Variants in GRID2 observed in about 807,000 individuals in gnomAD.
GRID2 encodes the protein glutamate ionotropic receptor delta type subunit 2.
GRID2 carries 33 observed loss-of-function variants against 114.8 expected under a neutral mutation model. The ratio of observed to expected loss-of-function variants is 0.29; its 90% CI spans 0.22 to 0.38. The LOEUF (loss-of-function observed/expected upper bound fraction) is 0.38. GRID2 is among the 10% of genes least tolerant of loss of function. The pLI is 1.00. For synonymous variants in GRID2, 505 were observed against 449.9 expected, an observed-to-expected ratio of 1.12 and a Z score of -1.55; for missense variants, 1,184 against 1,257.7, an observed-to-expected ratio of 0.94 and a Z score of 0.89.
chr4:93,382,945 C>G (rs1376532681), intron 8 of GRID2, among the ~76,000 whole-genome samples: 4 of 151,706 alleles, frequency 2.6e-5, no homozygotes, highest in Non-Finnish European at 5.9e-5. Flanking sequence ...ACTAGACTGT[C>G]TCTGTGCAAA....
At chr4:93,607,709 G>T (rs1740399209) in intron 13 of GRID2, among the ~76,000 whole-genome samples, 1 of 152,020 alleles carries the variant, frequency 6.6e-6, no homozygotes, top group African/African-American at 2.4e-5. Flanking sequence ...ATTAAGTATT[G>T]CCAGACATTT....
intron 1 of GRID2, among the ~76,000 whole-genome samples, chr4:92,354,154 T>C (rs1728205608): frequency 6.6e-6 from 1 of 151,956 alleles, no homozygotes; most frequent in Admixed American, 6.6e-5. Context: ...GGGACCAGCG[T>C]TCCTCACTGG....
In GRID2 at chr4:93,389,801, T is replaced by C. The variant is rs571490280; in HGVS notation, c.1246-5806T>C. Among the ~76,000 whole-genome samples the C allele has an allele frequency of 2.0e-5, 3 of 152,144 alleles. No individual in the cohort carries two copies. The South Asian group carries it at 6.2e-4, about 32-fold the overall frequency. On this transcript the variant is annotated intron_variant, in intron 8 of 15. Coordinates refer to ENST00000282020, the MANE Select transcript of GRID2 (RefSeq NM_001510.4). ...GCAAGTTTTTTTTTTTCTTTTTTTT[T>C]TCTTTTTTTGAGACAGTCTTGCTCT... is the stretch of plus-strand genomic sequence containing the variant.
intron 4 of GRID2, among the ~76,000 whole-genome samples, chr4:93,183,416 T>C (rs906620243): frequency 6.6e-6 from 1 of 152,220 alleles, no homozygotes; most frequent in South Asian, 2.1e-4. Flanking sequence ...AATGATAGCA[T>C]TGACCCTCAA....
At chr4:92,574,131 C>G (rs542654942) in intron 1 of GRID2, among the ~76,000 whole-genome samples, 1 of 152,132 alleles carries the variant, frequency 6.6e-6, no homozygotes, top group East Asian at 1.9e-4. Flanking sequence ...GCAACCCCTG[C>G]TATTTTCCTG....
chr4:92,611,163 TGTG>T lies in GRID2; in HGVS notation c.244+20878_244+20880del, dbSNP rs1331831517. 7.3e-5 allele frequency among the ~76,000 whole-genome samples: 11 copies of T among 150,676 alleles called. No individual in the cohort carries two copies. In the Admixed American group the frequency reaches 7.4e-4, roughly 10 times the overall value. ...GTGTGTGCATGTGTGTGTGTGTGTG[TGTG>T]TTTTAGCCTGCTTAGGCTGCATAAT... On this transcript the variant is annotated intron_variant, in intron 2 of 15. Transcript: ENST00000282020.
chr4:93,105,055 C>T (rs1044124646), intron 3 of GRID2, among the ~76,000 whole-genome samples: 86 of 152,056 alleles, frequency 5.7e-4, no homozygotes, highest in African/African-American at 2.0e-3. Flanking sequence ...TCTCTGATGG[C>T]CAGTGATGAT....
intron 2 of GRID2, among the ~76,000 whole-genome samples, chr4:93,011,638 C>G (rs1482816242): frequency 6.6e-6 from 1 of 152,102 alleles, no homozygotes; most frequent in African/African-American, 2.4e-5. Flanking sequence ...ATATTTCTTA[C>G]CATGTCACAT....
In GRID2 at chr4:92,389,544, G is replaced by A. The variant is rs1036111263; in HGVS notation, c.88+84800G>A. ...TCTAATTGAGTCTACTTCCATTTTA[G>A]TAGTTTACTATGAATGTCATGATTG... On this transcript the variant is annotated intron_variant, in intron 1 of 15. Coordinates refer to ENST00000282020, the MANE Select transcript of GRID2 (RefSeq NM_001510.4). 2.0e-5 allele frequency among the ~76,000 whole-genome samples: 3 copies of A among 152,038 alleles called. No homozygotes were observed. The East Asian group carries it at 5.8e-4, about 29-fold the overall frequency.
intron 8 of GRID2, among the ~76,000 whole-genome samples, chr4:93,325,589 C>G (rs139277774): frequency 6.6e-6 from 1 of 152,008 alleles, no homozygotes; most frequent in African/African-American, 2.4e-5. Flanking sequence ...AATTAAACTA[C>G]AGTTTCTAAT....
chr4:93,488,827 A>G (rs940973040), intron 11 of GRID2, among the ~76,000 whole-genome samples: 3 of 151,890 alleles, frequency 2.0e-5, no homozygotes, highest in Non-Finnish European at 4.4e-5. Context: ...TCTTCCATGC[A>G]TGTGCATCCC....
At chr4:93,690,115 C>A (rs1726426999) in intron 14 of GRID2, among the ~76,000 whole-genome samples, 1 of 151,872 alleles carries the variant, frequency 6.6e-6, no homozygotes, top group African/African-American at 2.4e-5. Context: ...AATCTGTATA[C>A]AATTTGCACA....
intron 8 of GRID2, among the ~76,000 whole-genome samples, chr4:93,326,750 A>G (rs1203604801): frequency 1.3e-5 from 2 of 152,150 alleles, no homozygotes; most frequent in Non-Finnish European, 2.9e-5. Flanking sequence ...TTAAATCTCT[A>G]GGATTGACCC....
chr4:93,454,900 A>G (rs891822805), intron 10 of GRID2, among the ~76,000 whole-genome samples: 1 of 152,122 alleles, frequency 6.6e-6, no homozygotes, highest in Non-Finnish European at 1.5e-5. Flanking sequence ...TTATCATATT[A>G]TGCAGTTTAA....
chr4:92,569,317 G>T (rs1347462636), intron 1 of GRID2, among the ~76,000 whole-genome samples: 1 of 151,974 alleles, frequency 6.6e-6, no homozygotes, highest in African/African-American at 2.4e-5. Context: ...CATTTTTATG[G>T]CTGCATAGTA....
chr4:92,629,116 C>T (rs1019189426), intron 2 of GRID2, among the ~76,000 whole-genome samples: 2 of 151,146 alleles, frequency 1.3e-5, no homozygotes, highest in Non-Finnish European at 2.9e-5. Context: ...GTAAATATTC[C>T]ATCATGTCTT....
intron 10 of GRID2, among the ~76,000 whole-genome samples, chr4:93,428,928 G>T (rs1769131638): frequency 1.3e-5 from 2 of 152,130 alleles, no homozygotes; most frequent in Admixed American, 6.6e-5. Context: ...AAAGAGCAAA[G>T]GATGAACAGA....
intron 8 of GRID2, among the ~76,000 whole-genome samples, chr4:93,263,381 C>T (rs1750466506): frequency 6.6e-6 from 1 of 151,992 alleles, no homozygotes. Flanking sequence ...CTCCATCCCC[C>T]ATTGTGTGGT....
chr4:93,411,431 AT>A (rs34629800), intron 9 of GRID2, among the ~76,000 whole-genome samples: 93 of 146,614 alleles, frequency 6.3e-4, no homozygotes, highest in Admixed American at 7.5e-4. Flanking sequence ...AATTGAATAG[AT>A]TTTTTTTTTT....
Sources: allele counts gnomAD v4.1 joint callset (sites outside exome capture counted in the v4.1 genomes callset), GRCh38; gene constraint gnomAD v4.1.1; transcripts MANE v1.5; gene names NCBI Gene and HGNC (gene_info 2026-07-23, HGNC 2026-07-21).